The following OSBPL6 variants were observed in gnomAD, a reference collection of about 807,000 sequenced individuals.
OSBPL6 encodes oxysterol-binding protein-related protein 6.
A neutral mutation model predicts 125.8 loss-of-function variants in OSBPL6; 49 were observed. The observed-to-expected ratio is 0.39, with a 90% CI of 0.31 to 0.49. The LOEUF is 0.49. Among genes scored for constraint, OSBPL6 ranks in the 20% least tolerant of loss-of-function variants. The pLI, the probability that OSBPL6 is intolerant of heterozygous loss-of-function variation, is 0.88. For synonymous variants in OSBPL6, 394 were observed against 391.8 expected (o/e 1.01, Z -0.07); for missense variants, 986 against 1,135.4 (o/e 0.87, Z 1.89).
intron 2 of OSBPL6, among the ~76,000 whole-genome samples, chr2:178,301,255 A>T (rs948515900): frequency 1.3e-5 from 2 of 152,142 alleles, no homozygotes; most frequent in African/African-American, 4.8e-5. Flanking sequence ...AATGATCAAG[A>T]CTAAATGTAT....
At chr2:178,302,915 C>A (rs1487884491) in intron 2 of OSBPL6, among the ~76,000 whole-genome samples, 1 of 152,200 alleles carries the variant, frequency 6.6e-6, no homozygotes, top group African/African-American at 2.4e-5. Context: ...GTTACAACCT[C>A]ATCCCTTGGA....
At chr2:178,379,327 AAAGGAAGGG>A in intron 15 of OSBPL6, among the ~76,000 whole-genome samples, 1 of 92,648 alleles carries the variant, frequency 1.1e-5, no homozygotes, top group Admixed American at 1.1e-4. Flanking sequence ...GGAAGGAAGG[AAAGGAAGGG>A]AGGGAGGGAG....
At position 178,333,048 on chromosome 2, in the gene OSBPL6, CT is replaced by C; in HGVS notation, c.657+10del. On this transcript the variant is annotated splice_region_variant and intron_variant, in intron 8 of 24. Coordinates refer to ENST00000190611, the MANE Select transcript of OSBPL6 (RefSeq NM_032523.4). ...TTCTGTAATGGATGGAAAGGTATGA[CT>C]TTGTTCTATAAAAACCAGCCTGAAA... 7 of 1,612,794 alleles carry C rather than the reference CT, an allele frequency of 4.3e-6. No individual in the cohort carries two copies. Among genetic ancestry groups the C allele is most frequent in the Non-Finnish European group, 5.9e-6 (7 of 1,179,524 alleles).
At chr2:178,315,144 G>C (rs1354749625) in intron 3 of OSBPL6, among the ~76,000 whole-genome samples, 4 of 152,100 alleles carry the variant, frequency 2.6e-5, no homozygotes, top group Non-Finnish European at 4.4e-5. Flanking sequence ...TTTACTACAC[G>C]TATTGCTTTT....
intron 1 of OSBPL6, among the ~76,000 whole-genome samples, chr2:178,262,632 C>A (rs1019322948): frequency 2.0e-5 from 3 of 152,060 alleles, no homozygotes; most frequent in African/African-American, 7.2e-5. Flanking sequence ...AGCAGAGTTC[C>A]TTTTGATATT....
At chr2:178,314,562 AAAT>A (rs1309588025) in intron 3 of OSBPL6, among the ~76,000 whole-genome samples, 1 of 152,248 alleles carries the variant, frequency 6.6e-6, no homozygotes, top group Admixed American at 6.5e-5. Context: ...GTCAGTGAGA[AAAT>A]AATATTTGTT....
intron 1 of OSBPL6, among the ~76,000 whole-genome samples, chr2:178,241,301 A>T (rs1488636787): frequency 6.6e-6 from 1 of 151,596 alleles, no homozygotes; most frequent in African/African-American, 2.4e-5. Context: ...TTTAGTAGAG[A>T]TGGGGTTTCA....
In OSBPL6 at chr2:178,387,967, G is replaced by A. The variant is rs182062630; in HGVS notation, c.2156+828G>A. On this transcript the variant is annotated intron_variant, in intron 20 of 24. Coordinates refer to ENST00000190611, the MANE Select transcript of OSBPL6 (RefSeq NM_032523.4). ...TGCAGTGAGCCGAGATTGTGCCACT[G>A]CACTCCAGCCTGGGTGACAGAGCAA... Among the ~76,000 whole-genome samples, 359 of 151,840 alleles carry A rather than the reference G, an allele frequency of 2.4e-3. 2 individuals are homozygous for A. Among genetic ancestry groups the A allele is most frequent in the Middle Eastern group, 0.01 (3 of 292 alleles).
At chr2:178,315,946 A>G (rs1446990875) in intron 3 of OSBPL6, among the ~76,000 whole-genome samples, 1 of 152,222 alleles carries the variant, frequency 6.6e-6, no homozygotes, top group Admixed American at 6.5e-5. Flanking sequence ...ATAGGTCTAC[A>G]AAACTGCTTT....
intron 1 of OSBPL6, among the ~76,000 whole-genome samples, chr2:178,252,333 A>G (rs1341124949): frequency 6.6e-6 from 1 of 152,230 alleles, no homozygotes; most frequent in African/African-American, 2.4e-5. Flanking sequence ...TCTGTTGCCA[A>G]CTACTCAATT....
chr2:178,361,673 C>G lies in OSBPL6; in HGVS notation c.1154-9C>G, dbSNP rs1444592230. 1 of 1,612,486 alleles carries G rather than the reference C, an allele frequency of 6.2e-7. No homozygotes were observed. Reference sequence around the variant, plus strand: ...CTGACAGTTTTTTCTCACTTTTCTCCCCACCCAGTGCATTCTCTTTTGAAG... The same window carrying G: ...CTGACAGTTTTTTCTCACTTTTCTCGCCACCCAGTGCATTCTCTTTTGAAG... On this transcript the variant is annotated splice_polypyrimidine_tract_variant and intron_variant, in intron 12 of 24. Coordinates refer to ENST00000190611, the MANE Select transcript of OSBPL6 (RefSeq NM_032523.4).
At position 178,363,405 on chromosome 2, in the gene OSBPL6, T is replaced by C. The variant is rs1865326; in HGVS notation, c.1287+1590T>C. On this transcript the variant is annotated intron_variant, in intron 13 of 24. Transcript: ENST00000190611. ...TGTGCAAGGTACAGAACACCAAGGT[T>C]AAAGTAGCCCTGGCCATGTTCCCAG... Among the ~76,000 whole-genome samples, 12 of 151,996 alleles carry C rather than the reference T, an allele frequency of 7.9e-5. No individual in the cohort carries two copies. The East Asian group carries it at 2.3e-3, about 29-fold the overall frequency.
intron 1 of OSBPL6, among the ~76,000 whole-genome samples, chr2:178,241,329 G>A (rs922406014): frequency 1.3e-5 from 2 of 151,612 alleles, no homozygotes; most frequent in Non-Finnish European, 2.9e-5. Context: ...GGCCAGGATG[G>A]TCTTGAACTC....
At chr2:178,228,911 G>C (rs2090692730) in intron 1 of OSBPL6, among the ~76,000 whole-genome samples, 1 of 152,148 alleles carries the variant, frequency 6.6e-6, no homozygotes, top group Non-Finnish European at 1.5e-5. Context: ...ATATTGATGT[G>C]TTTAGTCCAT....
intron 12 of OSBPL6, among the ~76,000 whole-genome samples, chr2:178,359,906 G>A (rs1285326824): frequency 6.6e-6 from 1 of 152,158 alleles, no homozygotes; most frequent in Non-Finnish European, 1.5e-5. Context: ...TGGTCAACAT[G>A]GCAAATCCCG....
chr2:178,360,590 C>T (rs1692263299), intron 12 of OSBPL6, among the ~76,000 whole-genome samples: 1 of 152,142 alleles, frequency 6.6e-6, no homozygotes. Context: ...TTTTAAGCCT[C>T]CATTGAAACT....
At chr2:178,344,491 T>G (rs2154084922) in intron 11 of OSBPL6, 2 of 793,232 alleles carry the variant, frequency 2.5e-6, no homozygotes, top group South Asian at 1.8e-5. Context: ...GCAGCATAGC[T>G]TTCACATGTT....
At chr2:178,372,949 G>A (rs192196408) in intron 14 of OSBPL6, among the ~76,000 whole-genome samples, 5 of 152,242 alleles carry the variant, frequency 3.3e-5, no homozygotes, top group Admixed American at 3.3e-4. Context: ...TTACTTTATA[G>A]CATGAGAACT....
At chr2:178,281,755 C>T (rs891178078) in intron 1 of OSBPL6, among the ~76,000 whole-genome samples, 15 of 136,732 alleles carry the variant, frequency 1.1e-4, no homozygotes, top group African/African-American at 3.6e-4. Context: ...ACAATGAGAA[C>T]GCATGGACAC....
Sources: gnomAD v4.1 joint callset for allele counts (sites outside exome capture counted in the v4.1 genomes callset) on GRCh38, gnomAD v4.1.1 for gene constraint, MANE v1.5 for transcripts, NCBI Gene and HGNC (gene_info 2026-07-23, HGNC 2026-07-21) for gene names.